Variants in CAST observed in about 807,000 individuals in gnomAD.
CAST encodes the protein calpastatin.
A neutral mutation model predicts 119.6 loss-of-function variants in CAST; 76 were observed. That is an observed-to-expected ratio of 0.64 (90% CI 0.53 to 0.77). The LOEUF is 0.77. Ranked by LOEUF, CAST falls within the 30% of genes least tolerant of loss-of-function variation. CAST has a pLI of 0.00. For synonymous variants in CAST, 319 were observed against 331.6 expected (o/e 0.96, Z 0.41); for missense variants, 953 against 946.5 (o/e 1.01, Z -0.09).
chr5:96,113,432 C>G, the CAST span, among the ~76,000 whole-genome samples: 259 of 152,298 alleles, frequency 1.7e-3, 1 homozygote, highest in Middle Eastern at 3.4e-3. Context: ...GGAATGAGTC[C>G]AGGTTAGTAG....
At chr5:96,412,752 G>GTTTTTTTTTTTTTTTT in the CAST span, among the ~76,000 whole-genome samples, 126 of 71,794 alleles carry the variant, frequency 1.8e-3, 29 homozygotes, top group African/African-American at 0.01. Flanking sequence ...CAGCTGTGAT[G>GTTTTTTTTTTTTTTTT]TTTTTTTTTT....
the CAST span, among the ~76,000 whole-genome samples, chr5:96,109,484 G>A: frequency 6.6e-6 from 1 of 152,220 alleles, no homozygotes; most frequent in Non-Finnish European, 1.5e-5. Flanking sequence ...GAGACTCGAA[G>A]ATAAATTGTT....
chr5:96,385,076 A>G, the CAST span, among the ~76,000 whole-genome samples: 3 of 152,330 alleles, frequency 2.0e-5, no homozygotes, highest in East Asian at 5.8e-4. Context: ...GGCCCAACAT[A>G]CTAGAATACT....
chr5:96,169,751 A>C, the CAST span, among the ~76,000 whole-genome samples: 3 of 152,108 alleles, frequency 2.0e-5, no homozygotes, highest in African/African-American at 7.2e-5. Context: ...GGGAGATACA[A>C]GGGGAGGATG....
the CAST span, among the ~76,000 whole-genome samples, chr5:96,141,447 A>G: frequency 6.6e-6 from 1 of 152,236 alleles, no homozygotes. Context: ...CACCAGCTAA[A>G]AGTTCATCCT....
At chr5:96,430,875 C>T in the CAST span, among the ~76,000 whole-genome samples, 1 of 152,056 alleles carries the variant, frequency 6.6e-6, no homozygotes, top group Admixed American at 6.5e-5. Context: ...AAAGATCCTC[C>T]CAAGAATGAT....
the CAST span, among the ~76,000 whole-genome samples, chr5:96,459,818 A>T: frequency 6.6e-6 from 1 of 152,238 alleles, no homozygotes; most frequent in African/African-American, 2.4e-5. Context: ...ACATTTTCGG[A>T]TTTTACTGCA....
At chr5:96,493,307 T>C in the CAST span, among the ~76,000 whole-genome samples, 1 of 152,222 alleles carries the variant, frequency 6.6e-6, no homozygotes, top group East Asian at 1.9e-4. Context: ...TTTTGTTCAT[T>C]TTTTTCTCCT....
chr5:96,494,875 T>G, the CAST span, among the ~76,000 whole-genome samples: 2 of 152,148 alleles, frequency 1.3e-5, no homozygotes, highest in African/African-American at 4.8e-5. Context: ...CCCAGCACTT[T>G]GGGAGGGCAA....
At chr5:96,743,614 G>A (rs1408403904) in intron 16 of CAST, 1 of 1,611,266 alleles carries the variant, frequency 6.2e-7, no homozygotes, top group African/African-American at 1.3e-5. Flanking sequence ...GTCTGGGACT[G>A]CCCTGGCCTA....
intron 1 of CAST, among the ~76,000 whole-genome samples, chr5:96,644,713 G>A (rs762871096): frequency 4.9e-4 from 75 of 152,142 alleles, no homozygotes; most frequent in Non-Finnish European, 2.1e-4. Context: ...CGTGGCTCAC[G>A]CCTGTAATCT....
At chr5:96,019,747 C>G in the CAST span, among the ~76,000 whole-genome samples, 1 of 152,052 alleles carries the variant, frequency 6.6e-6, no homozygotes, top group Non-Finnish European at 1.5e-5. Flanking sequence ...CACTAAGTTT[C>G]TATATAATAA....
chr5:96,566,892 C>T (rs554894749), intron 1 of CAST, among the ~76,000 whole-genome samples: 1 of 152,218 alleles, frequency 6.6e-6, no homozygotes, highest in African/African-American at 2.4e-5. Flanking sequence ...ACTGAGAGTG[C>T]TTTACTTATG....
the CAST span, among the ~76,000 whole-genome samples, chr5:96,107,390 C>T: frequency 1.3e-5 from 2 of 151,978 alleles, no homozygotes; most frequent in East Asian, 1.9e-4. Flanking sequence ...TTTAGCACTT[C>T]CTTCAGGAGC....
the CAST span, among the ~76,000 whole-genome samples, chr5:96,517,410 A>C: frequency 6.6e-6 from 1 of 152,220 alleles, no homozygotes; most frequent in Non-Finnish European, 1.5e-5. Context: ...TCAAATAAAC[A>C]AAATGAATTT....
At chr5:96,604,181 T>C (rs1366218216) in intron 1 of CAST, among the ~76,000 whole-genome samples, 1 of 152,218 alleles carries the variant, frequency 6.6e-6, no homozygotes, top group African/African-American at 2.4e-5. Flanking sequence ...TAGGAATTTT[T>C]CAGCTCCATA....
chr5:96,575,994 G>T (rs546197599), intron 1 of CAST, among the ~76,000 whole-genome samples: 6 of 152,256 alleles, frequency 3.9e-5, no homozygotes, highest in Admixed American at 6.5e-5. Flanking sequence ...TATCAACCTT[G>T]TTGATATGGT....
the CAST span, among the ~76,000 whole-genome samples, chr5:96,460,579 A>T: frequency 0.031 from 4,713 of 152,010 alleles, 218 homozygotes; most frequent in African/African-American, 0.1. Flanking sequence ...AAAAAAAACC[A>T]ACCCTCAAAT....
chr5:95,979,563 A>G, the CAST span, among the ~76,000 whole-genome samples: 63 of 152,320 alleles, frequency 4.1e-4, no homozygotes, highest in Middle Eastern at 0.01. Context: ...GAGTTGAAAA[A>G]GGCAGGATTT....
Sources: gnomAD v4.1 joint callset for allele counts (sites outside exome capture counted in the v4.1 genomes callset) on GRCh38, gnomAD v4.1.1 for gene constraint, MANE v1.5 for transcripts, NCBI Gene and HGNC (gene_info 2026-07-23, HGNC 2026-07-21) for gene names.